Variants in KCNH1 observed in about 807,000 individuals in gnomAD.
KCNH1 encodes the protein potassium voltage-gated channel subfamily H member 1.
A neutral mutation model predicts 69.2 loss-of-function variants in KCNH1; 27 were observed. That is an observed-to-expected ratio of 0.39 (90% CI 0.29 to 0.54). KCNH1 has a LOEUF of 0.54. Among genes scored for constraint, KCNH1 ranks in the 20% least tolerant of loss-of-function variants. KCNH1 has a pLI of 0.68. For missense variants in KCNH1, 798 were observed against 1,261.6 expected, an observed-to-expected ratio of 0.63 and a Z score of 5.57; for synonymous variants, 456 against 487.7, an observed-to-expected ratio of 0.93 and a Z score of 0.86.
At chr1:210,892,748 T>A (rs1012019208) in intron 7 of KCNH1, among the ~76,000 whole-genome samples, 3 of 152,174 alleles carry the variant, frequency 2.0e-5, no homozygotes, top group East Asian at 1.9e-4. Context: ...TCTTAATTGG[T>A]CTTGCCTCAA....
chr1:210,846,300 G>A (rs1685546345), intron 7 of KCNH1, among the ~76,000 whole-genome samples: 1 of 152,150 alleles, frequency 6.6e-6, no homozygotes, highest in Admixed American at 6.5e-5. Flanking sequence ...GAACAAACCT[G>A]GAGGCATCAC....
chr1:211,062,745 A>C (rs1458922474), intron 5 of KCNH1, among the ~76,000 whole-genome samples: 1 of 152,264 alleles, frequency 6.6e-6, no homozygotes, highest in Non-Finnish European at 1.5e-5. Context: ...GCAAATCAAA[A>C]TTACAATGAG....
At chr1:210,867,293 C>G (rs1473646540) in intron 7 of KCNH1, among the ~76,000 whole-genome samples, 1 of 149,038 alleles carries the variant, frequency 6.7e-6, no homozygotes, top group African/African-American at 2.5e-5. Context: ...ATATTTATAT[C>G]CACACACACC....
chr1:210,989,443 T>C (rs956852618), intron 6 of KCNH1, among the ~76,000 whole-genome samples: 15 of 152,354 alleles, frequency 9.8e-5, no homozygotes, highest in African/African-American at 3.4e-4. Flanking sequence ...TCCATTTCTA[T>C]ACTCAAATAT....
chr1:210,690,714 T>C (rs189673105), intron 10 of KCNH1, among the ~76,000 whole-genome samples: 1 of 152,190 alleles, frequency 6.6e-6, no homozygotes, highest in African/African-American at 2.4e-5. Flanking sequence ...TCATGATGAA[T>C]ACATGACAGC....
At chr1:210,892,402 C>T (rs1686769359) in intron 7 of KCNH1, among the ~76,000 whole-genome samples, 1 of 152,064 alleles carries the variant, frequency 6.6e-6, no homozygotes. Flanking sequence ...AATTGCACCT[C>T]ATTCCTTCTT....
intron 7 of KCNH1, among the ~76,000 whole-genome samples, chr1:210,867,362 C>CATATAT (rs915065010): frequency 5.9e-5 from 4 of 67,268 alleles, no homozygotes; most frequent in African/African-American, 1.4e-4. Flanking sequence ...CACACACACA[C>CATATAT]ATATATATAT....
chr1:210,719,630 T>C (rs936447801), intron 10 of KCNH1, among the ~76,000 whole-genome samples: 23 of 151,970 alleles, frequency 1.5e-4, no homozygotes, highest in African/African-American at 5.6e-4. Flanking sequence ...GGTTGATAGG[T>C]GCAGTAAACC....
At chr1:210,745,372 A>C (rs985438272) in intron 10 of KCNH1, among the ~76,000 whole-genome samples, 17 of 152,280 alleles carry the variant, frequency 1.1e-4, no homozygotes, top group Admixed American at 5.2e-4. Flanking sequence ...GGTAGCCAGG[A>C]TTCAACTATT....
At chr1:210,847,152 C>T (rs1000684085) in intron 7 of KCNH1, among the ~76,000 whole-genome samples, 2 of 152,180 alleles carry the variant, frequency 1.3e-5, no homozygotes, top group South Asian at 2.1e-4. Context: ...CTAGTTCAAC[C>T]ATTGTGGAAG....
At chr1:210,943,957 G>A (rs1687916398) in intron 6 of KCNH1, among the ~76,000 whole-genome samples, 1 of 152,176 alleles carries the variant, frequency 6.6e-6, no homozygotes, top group African/African-American at 2.4e-5. Flanking sequence ...CTGGAAGCTG[G>A]CTTGGCTTCA....
chr1:210,800,700 A>AACCC (rs1185518819), intron 8 of KCNH1, among the ~76,000 whole-genome samples: 2 of 152,140 alleles, frequency 1.3e-5, no homozygotes, highest in Non-Finnish European at 2.9e-5. Context: ...CTGAGATCCC[A>AACCC]CAGCCGGCTC....
At chr1:210,999,914 C>T (rs1689138478) in intron 6 of KCNH1, among the ~76,000 whole-genome samples, 1 of 152,130 alleles carries the variant, frequency 6.6e-6, no homozygotes, top group Non-Finnish European at 1.5e-5. Flanking sequence ...AGACAAAAAC[C>T]ACATGATTAT....
chr1:210,713,537 T>A (rs1484144909), intron 10 of KCNH1, among the ~76,000 whole-genome samples: 1 of 152,200 alleles, frequency 6.6e-6, no homozygotes, highest in Non-Finnish European at 1.5e-5. Flanking sequence ...TTCCTTGCTC[T>A]CCATAAAGAA....
chr1:210,767,603 A>G (rs1683662342), intron 10 of KCNH1, among the ~76,000 whole-genome samples: 1 of 152,222 alleles, frequency 6.6e-6, no homozygotes, highest in South Asian at 2.1e-4. Flanking sequence ...ATATCATTCA[A>G]AATTTTAGGG....
At chr1:210,766,762 C>A (rs1446973445) in intron 10 of KCNH1, among the ~76,000 whole-genome samples, 8 of 152,180 alleles carry the variant, frequency 5.3e-5, no homozygotes, top group Admixed American at 5.2e-4. Context: ...GAGAGATAAA[C>A]CAAAACCGCG....
At chr1:211,007,346 T>C (rs891311671) in intron 6 of KCNH1, among the ~76,000 whole-genome samples, 4 of 152,206 alleles carry the variant, frequency 2.6e-5, no homozygotes, top group Non-Finnish European at 4.4e-5. Flanking sequence ...CCTATTGCCC[T>C]TTCAATAGTT....
intron 3 of KCNH1, among the ~76,000 whole-genome samples, chr1:211,098,023 T>C (rs1321391172): frequency 6.6e-6 from 1 of 152,206 alleles, no homozygotes; most frequent in Non-Finnish European, 1.5e-5. Context: ...CAACTGTCGT[T>C]GATATAAGAA....
At chr1:211,008,192 T>C (rs1417371654) in intron 6 of KCNH1, among the ~76,000 whole-genome samples, 1 of 152,204 alleles carries the variant, frequency 6.6e-6, no homozygotes, top group African/African-American at 2.4e-5. Context: ...AAATGTGGTA[T>C]ATACTCACAA....
Sources: allele counts gnomAD v4.1 joint callset (sites outside exome capture counted in the v4.1 genomes callset), GRCh38; gene constraint gnomAD v4.1.1; transcripts MANE v1.5; gene names NCBI Gene and HGNC (gene_info 2026-07-23, HGNC 2026-07-21).